BABAM2: variants seen among roughly 807,000 people sequenced by gnomAD.
BABAM2 encodes the protein BRISC and BRCA1-A complex member 2.
In BABAM2, 31 loss-of-function variants were observed where a neutral mutation model predicts 54.7. The observed-to-expected ratio is 0.57, with a 90% CI of 0.43 to 0.77. The LOEUF (loss-of-function observed/expected upper bound fraction) is 0.77. BABAM2 is among the 30% of genes least tolerant of loss of function. BABAM2 has a pLI of 0.00. For synonymous variants in BABAM2, 167 were observed against 162.9 expected, an observed-to-expected ratio of 1.03 and a Z score of -0.19; for missense variants, 364 against 455.8, an observed-to-expected ratio of 0.80 and a Z score of 1.83.
At chr2:28,171,369 G>GT (rs1674305962) in intron 7 of BABAM2, among the ~76,000 whole-genome samples, 1 of 152,150 alleles carries the variant, frequency 6.6e-6, no homozygotes, top group South Asian at 2.1e-4. Flanking sequence ...CTTCCTATAT[G>GT]TTTTTTGTTT....
At chr2:28,129,145 AG>A (rs1669819380) in intron 6 of BABAM2, 125 bp from the exon 7 acceptor site, 1 of 834,812 alleles carries the variant, frequency 1.2e-6, no homozygotes, top group Non-Finnish European at 2.0e-6. Context: ...TGTGCAAAGC[AG>A]CTAAGCTAAA....
chr2:28,295,669 G>A (rs9678742), intron 10 of BABAM2, among the ~76,000 whole-genome samples: 2 of 151,992 alleles, frequency 1.3e-5, no homozygotes, highest in African/African-American at 4.8e-5. Context: ...CTAATTTTTT[G>A]TATTTTTAGT....
chr2:27,937,020 C>T (rs923529839), intron 3 of BABAM2, among the ~76,000 whole-genome samples: 4 of 151,880 alleles, frequency 2.6e-5, no homozygotes, highest in Non-Finnish European at 5.9e-5. Flanking sequence ...TGCTATTATA[C>T]ACTTAATAGA....
At chr2:27,938,903 G>T (rs927991539) in intron 3 of BABAM2, among the ~76,000 whole-genome samples, 4 of 152,062 alleles carry the variant, frequency 2.6e-5, no homozygotes, top group Admixed American at 1.3e-4. Flanking sequence ...TAAATCTAAA[G>T]TTTCTCATTA....
intron 3 of BABAM2, among the ~76,000 whole-genome samples, chr2:27,936,499 G>A (rs1204739637): frequency 1.3e-5 from 2 of 152,138 alleles, no homozygotes; most frequent in Non-Finnish European, 2.9e-5. Flanking sequence ...ACATGCACAC[G>A]TATGTTTATT....
intron 10 of BABAM2, among the ~76,000 whole-genome samples, chr2:28,296,773 C>T (rs369707250): frequency 1.1e-4 from 16 of 152,222 alleles, no homozygotes; most frequent in East Asian, 7.7e-4. Flanking sequence ...CTGCAGCATC[C>T]GCCTCCCGGA....
intron 10 of BABAM2, among the ~76,000 whole-genome samples, chr2:28,270,945 A>T (rs948136975): frequency 1.3e-5 from 2 of 152,174 alleles, no homozygotes; most frequent in Admixed American, 1.3e-4. Flanking sequence ...CCTTATACTG[A>T]TATGATCTTG....
rs542664581 is a variant in BABAM2 at position 28,031,997 on chromosome 2, C to T, written c.495+6577C>T. Among the ~76,000 whole-genome samples the T allele has an allele frequency of 3.1e-4, 47 of 152,266 alleles. 2 individuals are homozygous for T. In the East Asian group the frequency reaches 8.9e-3, roughly 29 times the overall value. ...ATAAATGGATATTTTTTAATTAAAA[C>T]ATGAAAATAGTATATTCTCTAAATG... On this transcript the variant is annotated intron_variant, in intron 5 of 11. Coordinates refer to ENST00000379624, the MANE Select transcript of BABAM2 (RefSeq NM_199191.3).
chr2:27,991,821 G>C (rs973368350), intron 4 of BABAM2, among the ~76,000 whole-genome samples: 2 of 152,262 alleles, frequency 1.3e-5, no homozygotes. Flanking sequence ...CCGTATTTTA[G>C]CTATTGTAAC....
intron 7 of BABAM2, among the ~76,000 whole-genome samples, chr2:28,134,801 C>G (rs1385197370): frequency 6.6e-6 from 1 of 152,142 alleles, no homozygotes; most frequent in East Asian, 1.9e-4. Flanking sequence ...CAGAGGCTGT[C>G]AGCATAAATG....
At chr2:28,172,482 A>G (rs1333079838) in intron 7 of BABAM2, among the ~76,000 whole-genome samples, 2 of 152,198 alleles carry the variant, frequency 1.3e-5, no homozygotes, top group Non-Finnish European at 2.9e-5. Context: ...CAAGAAGCAC[A>G]CTACACAGTG....
At chr2:28,098,897 C>A (rs1666840525) in intron 6 of BABAM2, among the ~76,000 whole-genome samples, 1 of 152,148 alleles carries the variant, frequency 6.6e-6, no homozygotes, top group Admixed American at 6.5e-5. Context: ...GAGGTAAATG[C>A]AGAAGGATGA....
chr2:28,296,767 A>C (rs927696538), intron 10 of BABAM2, among the ~76,000 whole-genome samples: 2 of 152,176 alleles, frequency 1.3e-5, no homozygotes, highest in African/African-American at 4.8e-5. Context: ...AGCTCACTGC[A>C]GCATCCGCCT....
At chr2:28,136,446 C>T (rs1670545902) in intron 7 of BABAM2, among the ~76,000 whole-genome samples, 1 of 152,260 alleles carries the variant, frequency 6.6e-6, no homozygotes, top group Admixed American at 6.5e-5. Flanking sequence ...GGCCCCTGCC[C>T]AAGCTCAACC....
chr2:28,147,634 C>T (rs1027981057), intron 7 of BABAM2, among the ~76,000 whole-genome samples: 14 of 151,934 alleles, frequency 9.2e-5, no homozygotes, highest in Non-Finnish European at 1.6e-4. Flanking sequence ...CCACCACGCC[C>T]GGCTAATTTT....
intron 7 of BABAM2, among the ~76,000 whole-genome samples, chr2:28,163,273 G>A (rs1055420679): frequency 6.6e-6 from 1 of 152,070 alleles, no homozygotes; most frequent in African/African-American, 2.4e-5. Flanking sequence ...AAGTCAGCAG[G>A]TGGGCCAGGA....
rs544958139 is a variant in BABAM2, at chr2:28,221,126, C to T, written c.681-16076C>T. 1.9e-4 allele frequency among the ~76,000 whole-genome samples: 29 copies of T among 152,268 alleles called. 1 individual carries two copies. The South Asian group carries it at 5.8e-3, about 31-fold the overall frequency. ...TCCCTTTTTTCCTCTCTCTCTCTCT[C>T]TCTCTCCACTGAGACCCAAGGAAAA... On this transcript the variant is annotated intron_variant, in intron 7 of 11. Coordinates refer to ENST00000379624, the MANE Select transcript of BABAM2 (RefSeq NM_199191.3).
intron 8 of BABAM2, among the ~76,000 whole-genome samples, chr2:28,240,858 G>A (rs1394163721): frequency 2.9e-5 from 4 of 136,768 alleles, no homozygotes; most frequent in Non-Finnish European, 4.6e-5. Context: ...CAACAAGAGC[G>A]AGACTCTGTC....
chr2:28,192,635 C>T (rs1677059711), intron 7 of BABAM2, among the ~76,000 whole-genome samples: 1 of 150,948 alleles, frequency 6.6e-6, no homozygotes, highest in African/African-American at 2.4e-5. Context: ...GATTCTCCTG[C>T]CTCAGCCTCC....
Sources: gnomAD v4.1 joint callset for allele counts (sites outside exome capture counted in the v4.1 genomes callset) on GRCh38, gnomAD v4.1.1 for gene constraint, MANE v1.5 for transcripts, NCBI Gene and HGNC (gene_info 2026-07-23, HGNC 2026-07-21) for gene names.